SPIDR: variants seen among roughly 807,000 people sequenced by gnomAD.
SPIDR encodes the protein DNA repair-scaffolding protein.
A neutral mutation model predicts 104.6 loss-of-function variants in SPIDR; 93 were observed. The ratio of observed to expected loss-of-function variants is 0.89; its 90% confidence interval spans 0.75 to 1.06. The LOEUF (loss-of-function observed/expected upper bound fraction) is 1.06. Among genes scored for constraint, SPIDR ranks in the 50% least tolerant of loss-of-function variants. The pLI is 0.00. For missense variants in SPIDR, 1,154 were observed against 1,111.2 expected (o/e 1.04, Z -0.55); for synonymous variants, 431 against 416.9 (o/e 1.03, Z -0.41).
chr8:47,685,513 A>ATTTTTTTTTTTTTTTT lies in SPIDR; in HGVS notation c.1685+11575_1685+11576insTTTTTTTTTTTTTTTT, dbSNP rs376980650. Among the ~76,000 whole-genome samples the ATTTTTTTTTTTTTTTT allele has an allele frequency of 1.5e-4, 18 of 120,968 alleles. 1 individual carries two copies. Among genetic ancestry groups the ATTTTTTTTTTTTTTTT allele is most frequent in the East Asian group, 2.7e-4 (1 of 3,732 alleles). The allele number at this position is 120,968 out of a possible 152,430, so 79.4% of individuals were successfully genotyped here. A position where few individuals can be genotyped will look rare whatever the true frequency, so the allele number is the denominator to read the frequency against. On this transcript the variant is annotated intron_variant, in intron 11 of 19. Coordinates refer to ENST00000297423, the MANE Select transcript of SPIDR (RefSeq NM_001080394.4). The stretch of plus-strand genomic sequence containing the variant: ...TATTTATTTATTTATTTATTTATTT[A>ATTTTTTTTTTTTTTTT]TTTATTTTTTTGAGACAGTCTCTCT...
At chr8:47,471,776 C>A (rs936655232) in intron 8 of SPIDR, among the ~76,000 whole-genome samples, 3 of 152,280 alleles carry the variant, frequency 2.0e-5, no homozygotes, top group East Asian at 1.9e-4. Context: ...TACTTCTTCT[C>A]TGGTGTTTGT....
chr8:47,408,038 GA>G, intron 7 of SPIDR, 77 bp downstream of exon 7: 1 of 723,448 alleles, frequency 1.4e-6, no homozygotes, highest in Non-Finnish European at 2.2e-6. Flanking sequence ...TAAAATATAT[GA>G]AGTTAATTGT....
intron 11 of SPIDR, among the ~76,000 whole-genome samples, chr8:47,681,736 G>A (rs1015935630): frequency 1.3e-5 from 2 of 152,054 alleles, no homozygotes; most frequent in Non-Finnish European, 2.9e-5. Flanking sequence ...TCTTATACAA[G>A]GAGTCTTTAT....
intron 8 of SPIDR, among the ~76,000 whole-genome samples, chr8:47,485,252 A>T (rs1554730180): frequency 6.6e-6 from 1 of 152,200 alleles, no homozygotes; most frequent in Non-Finnish European, 1.5e-5. Context: ...GCTCATTGCT[A>T]ATACAGCTAG....
chr8:47,727,082 C>G, intron 16 of SPIDR, 118 bp from the exon 17 acceptor site: 1 of 741,012 alleles, frequency 1.3e-6, no homozygotes, highest in South Asian at 1.6e-5. Flanking sequence ...TGTATATAAA[C>G]TCCCAAGTAA....
chr8:47,730,772 C>A (rs563900689), intron 19 of SPIDR, among the ~76,000 whole-genome samples: 1 of 152,322 alleles, frequency 6.6e-6, no homozygotes, highest in South Asian at 2.1e-4. Context: ...GCCCCACTAC[C>A]CCTGCCACCC....
chr8:47,306,020 T>G (rs2043032176), intron 5 of SPIDR, among the ~76,000 whole-genome samples: 1 of 152,250 alleles, frequency 6.6e-6, no homozygotes, highest in Admixed American at 6.5e-5. Flanking sequence ...CATTCTACTT[T>G]GTGTATGATT....
chr8:47,426,700 G>GC (rs1563942969), intron 7 of SPIDR, among the ~76,000 whole-genome samples: 1 of 152,218 alleles, frequency 6.6e-6, no homozygotes, highest in African/African-American at 2.4e-5. Flanking sequence ...AGGCTGGGAA[G>GC]CCTAATATCC....
At chr8:47,597,216 CACT>C (rs1369561913) in intron 9 of SPIDR, among the ~76,000 whole-genome samples, 1 of 152,166 alleles carries the variant, frequency 6.6e-6, no homozygotes, top group Non-Finnish European at 1.5e-5. Context: ...ACTGGCAACA[CACT>C]ACCTTTTTTT....
At chr8:47,600,259 C>T (rs566636705) in intron 10 of SPIDR, among the ~76,000 whole-genome samples, 51 of 152,222 alleles carry the variant, frequency 3.4e-4, no homozygotes, top group African/African-American at 1.2e-3. Flanking sequence ...ACATATAATC[C>T]CAGCACTTTG....
intron 8 of SPIDR, among the ~76,000 whole-genome samples, chr8:47,472,821 A>C (rs568366774): frequency 6.6e-6 from 1 of 152,364 alleles, no homozygotes; most frequent in East Asian, 1.9e-4. Flanking sequence ...GTTAAATATT[A>C]AACATTATTG....
chr8:47,338,523 GC>G (rs1156806058), intron 5 of SPIDR, among the ~76,000 whole-genome samples: 1 of 152,162 alleles, frequency 6.6e-6, no homozygotes, highest in Non-Finnish European at 1.5e-5. Context: ...GGCATTGTGA[GC>G]AATACTAGTG....
At chr8:47,487,919 G>A (rs1166308509) in intron 8 of SPIDR, among the ~76,000 whole-genome samples, 3 of 152,060 alleles carry the variant, frequency 2.0e-5, no homozygotes, top group African/African-American at 4.8e-5. Context: ...ATCTAAAATT[G>A]ACACCCTAAC....
At chr8:47,434,382 C>G (rs1554690956) in intron 7 of SPIDR, among the ~76,000 whole-genome samples, 1 of 152,040 alleles carries the variant, frequency 6.6e-6, no homozygotes, top group African/African-American at 2.4e-5. Flanking sequence ...GATGAATTGA[C>G]CTGAAGAAGA....
intron 8 of SPIDR, among the ~76,000 whole-genome samples, chr8:47,588,026 CATATATATATATATAT>C (rs71548440): frequency 5.6e-3 from 131 of 23,386 alleles, no homozygotes; most frequent in East Asian, 0.019. Context: ...TTAAAATTAG[CATATATATATATATAT>C]ATATATATAT....
At chr8:47,355,467 G>C (rs1199868059) in intron 5 of SPIDR, among the ~76,000 whole-genome samples, 1 of 152,074 alleles carries the variant, frequency 6.6e-6, no homozygotes, top group Non-Finnish European at 1.5e-5. Context: ...CAGTGAATGC[G>C]TAACAACCAC....
At chr8:47,656,332 C>T (rs73569212) in intron 10 of SPIDR, among the ~76,000 whole-genome samples, 2,764 of 151,854 alleles carry the variant, frequency 0.018, 86 homozygotes, top group African/African-American at 0.064. Context: ...AAAAAGATAC[C>T]CAAATAAAAG....
chr8:47,343,671 C>A (rs1376463753), intron 5 of SPIDR, among the ~76,000 whole-genome samples: 1 of 152,128 alleles, frequency 6.6e-6, no homozygotes, highest in African/African-American at 2.4e-5. Context: ...ACTCTAGGGG[C>A]CACAGAACTG....
At chr8:47,669,255 C>A (rs2075450286) in intron 10 of SPIDR, among the ~76,000 whole-genome samples, 1 of 152,172 alleles carries the variant, frequency 6.6e-6, no homozygotes, top group Non-Finnish European at 1.5e-5. Context: ...GTCACACTAG[C>A]ACTGATTTTA....
Sources: gnomAD v4.1 joint callset for allele counts (sites outside exome capture counted in the v4.1 genomes callset) on GRCh38, gnomAD v4.1.1 for gene constraint, MANE v1.5 for transcripts, NCBI Gene and HGNC (gene_info 2026-07-23, HGNC 2026-07-21) for gene names.